Variants in OR8B3 observed in about 807,000 individuals in gnomAD.
OR8B3 encodes olfactory receptor family 8 subfamily B member 3.
For synonymous variants in OR8B3, 102 were observed against 135.4 expected, an observed-to-expected ratio of 0.75 and a Z score of 1.71; for missense variants, 278 against 377.6, an observed-to-expected ratio of 0.74 and a Z score of 2.19.
the OR8B3 span, among the ~76,000 whole-genome samples, chr11:124,407,840 C>T: frequency 6.6e-6 from 1 of 152,082 alleles, no homozygotes; most frequent in Non-Finnish European, 1.5e-5. Flanking sequence ...CATATTGATA[C>T]AATATGTGTA....
At chr11:124,401,941 T>A (rs531302734), upstream of OR8B3, among the ~76,000 whole-genome samples, 3 of 152,222 alleles carry the variant, frequency 2.0e-5, no homozygotes, top group Non-Finnish European at 1.5e-5. Context: ...CTTCTCTCCA[T>A]GTGACAGCTG....
chr11:124,406,433 C>T, the OR8B3 span, among the ~76,000 whole-genome samples: 5 of 152,110 alleles, frequency 3.3e-5, no homozygotes, highest in African/African-American at 7.2e-5. Flanking sequence ...AACCTTTTCC[C>T]TGCGTGCTCC....
chr11:124,408,543 T>C, the OR8B3 span, among the ~76,000 whole-genome samples: 1 of 152,198 alleles, frequency 6.6e-6, no homozygotes, highest in African/African-American at 2.4e-5. Context: ...TGGGGTCTTC[T>C]TGTCTATAGG....
chr11:124,396,083 ACTTTGACAT>A lies in OR8B3; in HGVS notation c.*318_*326del. On this transcript the variant is annotated 3_prime_UTR_variant, in exon 2 of 2. Transcript: ENST00000641139. ...TCTGAGTTTAGGTGAGAAAGCCGTG[ACTTTGACAT>A]CTTTATAATTCATGAAATTTACCAT... 1.0e-5 allele frequency: 2 copies of A among 194,238 alleles called. No homozygotes were observed. The highest frequency in any genetic ancestry group is 2.1e-5 in the Non-Finnish European group (2 of 95,586). 12.0% of individuals were successfully genotyped at this position (194,238 alleles called of 1,614,324 possible).
upstream of OR8B3, among the ~76,000 whole-genome samples, chr11:124,399,264 T>C (rs1353438153): frequency 4.1e-5 from 5 of 123,382 alleles, no homozygotes; most frequent in East Asian, 1.1e-3. Context: ...TAAGTATAAT[T>C]TAGTGAAGTT....
the OR8B3 span, among the ~76,000 whole-genome samples, chr11:124,409,364 G>A: frequency 6.6e-6 from 1 of 152,132 alleles, no homozygotes; most frequent in Non-Finnish European, 1.5e-5. Flanking sequence ...TTTGCAACTT[G>A]GGCAAAAGCA....
upstream of OR8B3, among the ~76,000 whole-genome samples, chr11:124,399,712 A>G (rs538045927): frequency 2.6e-5 from 4 of 152,332 alleles, no homozygotes; most frequent in African/African-American, 9.6e-5. Flanking sequence ...GTCTTCCACG[A>G]CTATAGGACA....
At chr11:124,400,002 A>G (rs1407879039), upstream of OR8B3, among the ~76,000 whole-genome samples, 2 of 151,984 alleles carry the variant, frequency 1.3e-5, no homozygotes, top group Non-Finnish European at 2.9e-5. Context: ...CTGGGACTAC[A>G]GGCACATGCC....
At position 124,397,102 on chromosome 11, in the gene OR8B3, T is replaced by C. The variant is rs546230613; in HGVS notation, c.250A>G (p.Asn84Asp). The change falls in exon 2 of 2, where the codon AAC becomes GAC. Residue 84 changes from asparagine to aspartate, a missense_variant. Asn to Asp is a conservative substitution (Grantham distance 23). Transcript: ENST00000641139. Reference sequence around the variant, plus strand: ...ATAATATTCTTTTTTGATACAAAGTTCATTAGCATTTTGGGAGTGAAAACA... The same window carrying C: ...ATAATATTCTTTTTTGATACAAAGTCCATTAGCATTTTGGGAGTGAAAACA... ...SSVFTPKMLM[N>D]FVSKKNIISY... is the part of the protein sequence containing the mutation. The C allele has an allele frequency of 1.9e-6, 3 of 1,613,788 alleles. No homozygotes were observed. The East Asian group carries it at 6.7e-5, about 36-fold the overall frequency.
upstream of OR8B3, among the ~76,000 whole-genome samples, chr11:124,401,697 G>T (rs1238630936): frequency 6.6e-6 from 1 of 152,292 alleles, no homozygotes; most frequent in Non-Finnish European, 1.5e-5. Context: ...GCCACCAAAA[G>T]GCTCCATCAG....
At chr11:124,403,521 C>T (rs902408157), upstream of OR8B3, among the ~76,000 whole-genome samples, 2 of 151,084 alleles carry the variant, frequency 1.3e-5, no homozygotes, top group African/African-American at 2.4e-5. Flanking sequence ...GACGGGGCGG[C>T]GGGGCAGAGG....
At chr11:124,405,100 A>G in the OR8B3 span, 19 of 152,344 alleles carry the variant, frequency 1.2e-4, no homozygotes, top group South Asian at 1.4e-3. Flanking sequence ...TTCCACTGCC[A>G]TTCATTTCAT....
the OR8B3 span, chr11:124,404,931 C>T: frequency 2.6e-5 from 4 of 152,020 alleles, no homozygotes; most frequent in African/African-American, 9.7e-5. Flanking sequence ...TGAAGGATAG[C>T]GTGAAGAGGA....
In OR8B3 at chr11:124,397,020, TC is replaced by T. The variant is rs757251744; in HGVS notation, c.331del (p.Glu111AsnfsTer5). The part of the protein sequence containing the change: ...LFFFLFFVIS[E>X]CYMLTSMAYD... Reference sequence around the variant, plus strand: ...TGCCATTGAGGTCAACATGTAACATTCAGAGATGACAAAAAAGAGAAAGAAA... The same window carrying T: ...TGCCATTGAGGTCAACATGTAACATTAGAGATGACAAAAAAGAGAAAGAAA... On this transcript the variant is annotated frameshift_variant, in exon 2 of 2. Transcript: ENST00000641139. LOFTEE classifies it low-confidence loss of function (END_TRUNC). The T allele has an allele frequency of 1.2e-6, 2 of 1,613,816 alleles. No individual in the cohort carries two copies. The highest frequency in any genetic ancestry group is 2.2e-5 in the South Asian group (2 of 91,074).
At chr11:124,401,216 A>AAGAGAGAGAGAGAGAG (rs1430482395), upstream of OR8B3, among the ~76,000 whole-genome samples, 15 of 30,396 alleles carry the variant, frequency 4.9e-4, no homozygotes, top group South Asian at 0.016. Context: ...GGGAAATGCA[A>AAGAGAGAGAGAGAGAG]AGAGACAGAG....
At chr11:124,409,493 A>G in the OR8B3 span, among the ~76,000 whole-genome samples, 1 of 152,238 alleles carries the variant, frequency 6.6e-6, no homozygotes, top group African/African-American at 2.4e-5. Context: ...TAGTTGTGCA[A>G]TTCTCAGTTT....
upstream of OR8B3, among the ~76,000 whole-genome samples, chr11:124,402,788 A>G (rs1416344334): frequency 1.3e-5 from 2 of 152,042 alleles, no homozygotes; most frequent in East Asian, 1.9e-4. Flanking sequence ...AAACAAATCC[A>G]TTACAATAAG....
At position 124,396,701 on chromosome 11, in the gene OR8B3, A is replaced by C. The variant is rs368734397; in HGVS notation, c.651T>G (p.Ser217=). Residue 217 remains serine (S), a synonymous_variant, in exon 2 of 2, where the codon TCT becomes TCG. Transcript: ENST00000641139. ...IMVPSCTILI[S]YVFIVTSILH... is the part of the protein sequence containing the mutation. Reference sequence around the variant, plus strand: ...GAATGCTAGTGACAATGAAAACATAAGAAATGAGGATGGTACAACTGGGTA... The same window carrying C: ...GAATGCTAGTGACAATGAAAACATACGAAATGAGGATGGTACAACTGGGTA... 1 of 1,613,934 alleles carries C rather than the reference A, an allele frequency of 6.2e-7. No individual in the cohort carries two copies. Among genetic ancestry groups the C allele is most frequent in the Non-Finnish European group, 8.5e-7 (1 of 1,179,870 alleles).
At chr11:124,407,624 ATAGT>A in the OR8B3 span, among the ~76,000 whole-genome samples, 2 of 152,088 alleles carry the variant, frequency 1.3e-5, no homozygotes, top group Non-Finnish European at 2.9e-5. Flanking sequence ...CTCAACTGTA[ATAGT>A]TTTCTTCCTC....
Sources: allele counts gnomAD v4.1 joint callset (sites outside exome capture counted in the v4.1 genomes callset), GRCh38; gene constraint gnomAD v4.1.1; transcripts MANE v1.5; gene names NCBI Gene and HGNC (gene_info 2026-07-23, HGNC 2026-07-21).